KCNS1: variants seen among roughly 807,000 people sequenced by gnomAD.
The protein encoded by KCNS1 is delayed-rectifier potassium channel regulatory subunit KCNS1.
A neutral mutation model predicts 33.1 loss-of-function variants in KCNS1; 26 were observed. The ratio of observed to expected loss-of-function variants is 0.79; its 90% confidence interval spans 0.58 to 1.09. The LOEUF (loss-of-function observed/expected upper bound fraction) is 1.09, where lower values mean the gene tolerates loss of function less well. Among genes scored for constraint, KCNS1 ranks in the 50% least tolerant of loss-of-function variants. The probability of loss-of-function intolerance (pLI) is 0.00; values close to 1 mark genes in which losing one functional copy is unlikely to be tolerated. For synonymous variants in KCNS1, 299 were observed against 338.8 expected, an observed-to-expected ratio of 0.88 and a Z score of 1.29; for missense variants, 702 against 752.4, an observed-to-expected ratio of 0.93 and a Z score of 0.78.
chr20:45,093,398 T>G lies in KCNS1; in HGVS notation c.*1472A>C, dbSNP rs1032075322. ...AGGGCCAGGTCTCTCTCTGGCTATC[T>G]TTTTTTCCCCCTCTGAGCTTGGCAC... On this transcript the variant is annotated 3_prime_UTR_variant, in exon 4 of 4. Coordinates refer to ENST00000537075, the MANE Select transcript of KCNS1 (RefSeq NM_001322799.2). 1.3e-5 allele frequency: 2 copies of G among 148,322 alleles called. No individual in the cohort carries two copies. Among genetic ancestry groups the G allele is most frequent in the African/African-American group, 4.9e-5 (2 of 40,746 alleles). The allele number at this position is 148,322 out of a possible 1,614,324, so 9.2% of individuals were successfully genotyped here. A position where few individuals can be genotyped will look rare whatever the true frequency, so the allele number is the denominator to read the frequency against.
chr20:45,098,152 C>T lies in KCNS1; in HGVS notation c.620G>A (p.Trp207Ter). ...GTAGCCCGGGTTCTCCATGGTCAGC[C>T]AGAGGCGGCGGCGCAGGCGGCCACA... ...ARCGRLRRRL[W>*]LTMENPGYSL... Residue 207 changes from tryptophan to a stop codon, truncating the protein, a stop_gained, in exon 3 of 4, where the codon TGG becomes TAG. Transcript: ENST00000537075. LOFTEE classifies it high-confidence loss of function. The surrounding 1 kb of genome is among the most constrained non-coding windows in gnomAD (Gnocchi z 5.2). 6.2e-7 allele frequency: 1 copy of T among 1,605,006 alleles called. No individual in the cohort carries two copies. Among genetic ancestry groups the T allele is most frequent in the Non-Finnish European group, 8.5e-7 (1 of 1,176,784 alleles).
At chr20:45,099,785 G>A (rs1015212823) in intron 1 of KCNS1, among the ~76,000 whole-genome samples, 5 of 152,198 alleles carry the variant, frequency 3.3e-5, no homozygotes, top group Admixed American at 3.3e-4. Flanking sequence ...ACTCAGGAAG[G>A]ATTTAGGTTC....
intron 1 of KCNS1, among the ~76,000 whole-genome samples, chr20:45,099,711 A>T (rs1322057280): frequency 1.3e-5 from 2 of 152,154 alleles, no homozygotes; most frequent in African/African-American, 4.8e-5. Context: ...AGATAATAGC[A>T]CCTACCTCCA....
chr20:45,097,945 T>C lies in KCNS1; in HGVS notation c.827A>G (p.Glu276Gly), dbSNP rs746888750. 2 of 1,576,396 alleles carry C rather than the reference T, an allele frequency of 1.3e-6. No homozygotes were observed. The highest frequency in any genetic ancestry group is 1.7e-6 in the Non-Finnish European group (2 of 1,162,500). ...VRDDPVLRRL[E>G]YFCIAWFSFE... The stretch of plus-strand genomic sequence containing the variant: ...GCTGAACCAGGCGATGCAGAAGTAC[T>C]CGAGGCGTCGCAGCACCGGGTCGTC... Residue 276 changes from glutamate to glycine, a missense_variant, in exon 3 of 4, where the codon GAG becomes GGG. Around this residue, in one of 3 missense-constraint regions of KCNS1, gnomAD observed 253 missense variants for 327.4 expected, o/e 0.77. Coordinates refer to ENST00000537075, the MANE Select transcript of KCNS1 (RefSeq NM_001322799.2).
Position 45,091,448 on chromosome 20 carries a change from T to C in KCNS1, c.*3422A>G, listed in dbSNP as rs1980997770. Reference sequence around the variant, plus strand: ...TAAACAGAAGGTTCATGAGTCTTGCTACTGAGGTCCCTAGAGCTCCCCTCA... The same window carrying C: ...TAAACAGAAGGTTCATGAGTCTTGCCACTGAGGTCCCTAGAGCTCCCCTCA... On this transcript the variant is annotated 3_prime_UTR_variant, in exon 4 of 4. Transcript: ENST00000537075. Among the ~76,000 whole-genome samples the C allele has an allele frequency of 6.6e-6, 1 of 152,178 alleles. No homozygotes were observed. The highest frequency in any genetic ancestry group is 2.4e-5 in the African/African-American group (1 of 41,440).
rs1981300436 is a variant in KCNS1, at chr20:45,098,686, G to A, written c.86C>T (p.Thr29Ile). 4 of 1,430,990 alleles carry A rather than the reference G, an allele frequency of 2.8e-6. No homozygotes were observed. The highest frequency in any genetic ancestry group is 3.6e-6 in the Non-Finnish European group (4 of 1,096,172). 88.6% of individuals were successfully genotyped at this position (1,430,990 alleles called of 1,614,324 possible). The stretch of plus-strand genomic sequence containing the variant: ...CGGGAACTCGCTCACAAAGGTTTCA[G>A]TGCTCCTCCCTGCGGACACCAGAAG... Reference protein sequence around the residue: ...VLPTPLGGRSTETFVSEFPGP... With the variant: ...VLPTPLGGRSIETFVSEFPGP... Residue 29 changes from threonine to isoleucine, a missense_variant, in exon 3 of 4, where the codon ACT (threonine) becomes ATT (isoleucine). Coordinates refer to ENST00000537075, the MANE Select transcript of KCNS1 (RefSeq NM_001322799.2). This position sits in a 1 kb window ranked among gnomAD's most constrained non-coding sequence, Gnocchi z 5.2.
In KCNS1 at chr20:45,094,198, G is replaced by A. The variant is rs777489170; in HGVS notation, c.*672C>T. ...CAGGACTCATCCTCCTTCCCTCCAG[G>A]ACTCATCTTTGATTGCTGACTCCTG... On this transcript the variant is annotated 3_prime_UTR_variant, in exon 4 of 4. Transcript: ENST00000537075. 2.3e-4 allele frequency: 35 copies of A among 152,340 alleles called. 1 individual carries two copies. Among genetic ancestry groups the A allele is most frequent in the Non-Finnish European group, 1.2e-4 (8 of 68,198 alleles). 9.4% of individuals were successfully genotyped at this position (152,340 alleles called of 1,614,324 possible).
intron 3 of KCNS1, among the ~76,000 whole-genome samples, chr20:45,096,380 G>C (rs117267760): frequency 3.2e-4 from 48 of 152,148 alleles, no homozygotes; most frequent in African/African-American, 1.2e-3. Flanking sequence ...GCATGGAGGG[G>C]ACAGGGCAGC....
intron 3 of KCNS1, among the ~76,000 whole-genome samples, chr20:45,095,573 G>A (rs1981158838): frequency 6.6e-6 from 1 of 152,206 alleles, no homozygotes; most frequent in South Asian, 2.1e-4. Context: ...CAAGGTATCT[G>A]CTAGGCTACA....
Position 45,092,747 on chromosome 20 carries a change from C to T in KCNS1, c.*2123G>A, listed in dbSNP as rs546318911. 13 of 152,088 alleles carry T rather than the reference C, an allele frequency of 8.5e-5. No individual in the cohort carries two copies. The highest frequency in any genetic ancestry group is 3.1e-4 in the African/African-American group (13 of 41,494). 9.4% of individuals were successfully genotyped at this position (152,088 alleles called of 1,614,324 possible). ...CCTGTGTATGACACACACCTTCACACATGCCATTCTCTCTGCTTGGAGTAC... is the reference window on the plus strand; with the variant it reads ...CCTGTGTATGACACACACCTTCACATATGCCATTCTCTCTGCTTGGAGTAC... On this transcript the variant is annotated 3_prime_UTR_variant, in exon 4 of 4. Coordinates refer to ENST00000537075, the MANE Select transcript of KCNS1 (RefSeq NM_001322799.2).
intron 2 of KCNS1, 87 bp downstream of exon 2, chr20:45,099,074 A>G: frequency 6.9e-7 from 1 of 1,447,218 alleles, no homozygotes; most frequent in Non-Finnish European, 9.4e-7. Context: ...ACTTGGATTT[A>G]TTTACACCAA....
chr20:45,098,385 C>G lies in KCNS1; in HGVS notation c.387G>C (p.Leu129=), dbSNP rs1279021735. ...CCTCCTGGCCAAAGGCGAAGACGCA[C>G]AGCTCGTCGAGCACGTGCAGGTGGC... The part of the protein sequence containing the change: ...RTGHLHVLDE[L]CVFAFGQEAD... The change falls in exon 3 of 4, where the codon CTG becomes CTC. Residue 129 remains leucine, a synonymous_variant. Transcript: ENST00000537075. The surrounding 1 kb of genome is among the most constrained non-coding windows in gnomAD (Gnocchi z 5.2). 1.3e-6 allele frequency: 2 copies of G among 1,589,350 alleles called. No homozygotes were observed. Among genetic ancestry groups the G allele is most frequent in the South Asian group, 2.3e-5 (2 of 87,646 alleles).
chr20:45,098,224 T>C lies in KCNS1; in HGVS notation c.548A>G (p.Glu183Gly), dbSNP rs1334008581. The C allele has an allele frequency of 1.2e-6, 2 of 1,604,400 alleles. No homozygotes were observed. The highest frequency in any genetic ancestry group is 2.2e-5 in the East Asian group (1 of 44,446). Residue 183 changes from glutamate (E) to glycine (G), a missense_variant, in exon 3 of 4, where the codon GAG becomes GGG. Around this residue, in one of 3 missense-constraint regions of KCNS1, gnomAD observed 374 missense variants for 352.3 expected, o/e 1.06. Transcript: ENST00000537075. The surrounding 1 kb of genome is among the most constrained non-coding windows in gnomAD (Gnocchi z 5.2). The stretch of plus-strand genomic sequence containing the variant: ...CAGTTCTCGCTGCACGTCGGAGATC[T>C]CGTCGGGGCACGGGTCCACGCTGCT... Reference protein sequence around the residue: ...TPSSVDPCPDEISDVQRELAR... With the variant: ...TPSSVDPCPDGISDVQRELAR...
chr20:45,097,859 G>A lies in KCNS1; in HGVS notation c.913C>T (p.Leu305Phe), dbSNP rs1981239535. The change falls in exon 3 of 4, where the codon CTC (leucine) becomes TTC (phenylalanine). Residue 305 changes from leucine to phenylalanine, a missense_variant. Around this residue, in one of 3 missense-constraint regions of KCNS1, gnomAD observed 253 missense variants for 327.4 expected, o/e 0.77. Transcript: ENST00000537075. ...PSTRNFFCHP[L>F]NLIDIVSVLP... ...ACAGACACAATGTCGATGAGGTTGA[G>A]CGGGTGGCAGAAGAAGTTGCGCGTA... The A allele has an allele frequency of 6.2e-7, 1 of 1,613,296 alleles. No individual in the cohort carries two copies. The highest frequency in any genetic ancestry group is 8.5e-7 in the Non-Finnish European group (1 of 1,179,818).
Position 45,099,143 on chromosome 20 carries a change from G to A in KCNS1, c.76+18C>T. On this transcript the variant is annotated intron_variant, in intron 2 of 3. Coordinates refer to ENST00000537075, the MANE Select transcript of KCNS1 (RefSeq NM_001322799.2). ...TCTGAACCTGTTTCTTCTGCAAAAT[G>A]AGGATAGTAACACTTACCTCCTAGG... 6.4e-7 allele frequency: 1 copy of A among 1,550,674 alleles called. No homozygotes were observed.
rs1269101158 is a variant in KCNS1 at position 45,092,398 on chromosome 20, C to T, written c.*2472G>A. On this transcript the variant is annotated 3_prime_UTR_variant, in exon 4 of 4. Transcript: ENST00000537075. ...GCTTTTCTGCCAGGACCACAAACAG[C>T]CTCATGGTAGGCTCAGGCCAGATGA... is the stretch of plus-strand genomic sequence containing the variant. 2 of 152,198 alleles carry T rather than the reference C, an allele frequency of 1.3e-5. No homozygotes were observed. Among genetic ancestry groups the T allele is most frequent in the Non-Finnish European group, 2.9e-5 (2 of 68,062 alleles). 9.4% of individuals were successfully genotyped at this position (152,198 alleles called of 1,614,324 possible). A position where few individuals can be genotyped will look rare whatever the true frequency, so the allele number is the denominator to read the frequency against.
At position 45,095,216 on chromosome 20, in the gene KCNS1, C is replaced by T. The variant is rs1981146271; in HGVS notation, c.1235G>A (p.Trp412Ter). ...GGTCATGCTCACTGTGCCCCACCAC[C>T]AGCAGGCTGGGATGGTGTTAAAGCC... ...DVGFNTIPAC[W>*]WWGTVSMTTV... The change falls in exon 4 of 4, where the codon TGG becomes TAG. Residue 412 changes from tryptophan to a stop codon, truncating the protein, a stop_gained. Coordinates refer to ENST00000537075, the MANE Select transcript of KCNS1 (RefSeq NM_001322799.2). LOFTEE classifies it high-confidence loss of function. 1.2e-6 allele frequency: 2 copies of T among 1,614,152 alleles called. No homozygotes were observed.
Position 45,097,816 on chromosome 20 carries a change from G to A in KCNS1, c.956C>T (p.Thr319Met), listed in dbSNP as rs368885097. The A allele has an allele frequency of 1.7e-4, 280 of 1,613,722 alleles. No individual in the cohort carries two copies. The highest frequency in any genetic ancestry group is 2.1e-4 in the Non-Finnish European group (253 of 1,179,986). The change falls in exon 3 of 4, where the codon ACG (threonine) becomes ATG (methionine). Residue 319 changes from threonine (T) to methionine (M), a missense_variant. Around this residue, in one of 3 missense-constraint regions of KCNS1, gnomAD observed 253 missense variants for 327.4 expected, o/e 0.77. Coordinates refer to ENST00000537075, the MANE Select transcript of KCNS1 (RefSeq NM_001322799.2). ...DIVSVLPFYL[T>M]LLAGVALGDQ... ...GCCCAGTGCCACACCAGCCAGCAGC[G>A]TGAGATAGAAGGGCAGCACAGACAC...
At position 45,094,661 on chromosome 20, in the gene KCNS1, T is replaced by G; in HGVS notation, c.*209A>C. 3.6e-6 allele frequency: 2 copies of G among 551,154 alleles called. No homozygotes were observed. The highest frequency in any genetic ancestry group is 6.4e-6 in the Non-Finnish European group (2 of 311,352). The allele number at this position is 551,154 out of a possible 1,614,324, so 34.1% of individuals were successfully genotyped here. A position where few individuals can be genotyped will look rare whatever the true frequency, so the allele number is the denominator to read the frequency against. On this transcript the variant is annotated 3_prime_UTR_variant, in exon 4 of 4. Coordinates refer to ENST00000537075, the MANE Select transcript of KCNS1 (RefSeq NM_001322799.2). ...CTTCATGAATGGCTTGGAGGCAGGTTTATAAAGCTTTCTGAGTTGCTTGCA... is the reference window on the plus strand; with the variant it reads ...CTTCATGAATGGCTTGGAGGCAGGTGTATAAAGCTTTCTGAGTTGCTTGCA...
Sources: allele counts gnomAD v4.1 joint callset (sites outside exome capture counted in the v4.1 genomes callset), GRCh38; gene constraint gnomAD v4.1.1; regional missense constraint gnomAD v4.1.1; non-coding constraint Gnocchi (gnomAD v3.1); transcripts MANE v1.5; gene names NCBI Gene and HGNC (gene_info 2026-07-23, HGNC 2026-07-21).